Variants in TSPO observed in about 807,000 individuals in gnomAD.
TSPO encodes translocator protein, also known as benzodiazepine peripheral binding site.
TSPO carries 14 observed loss-of-function variants against 13.9 expected under a neutral mutation model. That is an observed-to-expected ratio of 1.01 (90% CI 0.67 to 1.58). The LOEUF (loss-of-function observed/expected upper bound fraction) is 1.58. Ranked by LOEUF, TSPO falls within the 40% of genes most tolerant of loss-of-function variation. The pLI, the probability that TSPO is intolerant of heterozygous loss-of-function variation, is 0.00. For missense variants in TSPO, 232 were observed against 229.6 expected (o/e 1.01, Z -0.07); for synonymous variants, 114 against 105.9 (o/e 1.08, Z -0.47).
At chr22:43,157,306 A>C (rs58430667) in intron 1 of TSPO, among the ~76,000 whole-genome samples, 5,075 of 49,020 alleles carry the variant, frequency 0.1, 297 homozygotes, top group African/African-American at 0.25. Context: ...GGCAGGAGGG[A>C]GGGGCGGGGC....
chr22:43,160,988 C>T (rs1329971749), intron 2 of TSPO, 64 bp from the exon 3 acceptor site: 35 of 1,552,782 alleles, frequency 2.3e-5, no homozygotes, highest in South Asian at 1.3e-4. Flanking sequence ...CTGTGCCACT[C>T]GGAGGTGGGC....
At chr22:43,158,610 C>T (rs775674163) in intron 1 of TSPO, among the ~76,000 whole-genome samples, 1 of 151,974 alleles carries the variant, frequency 6.6e-6, no homozygotes, top group African/African-American at 2.4e-5. Context: ...TACTGGGGCC[C>T]GTGTGGGGTG....
chr22:43,159,256 G>T lies in TSPO; in HGVS notation c.18G>T (p.Val6=). The change falls in exon 2 of 4, where the codon GTG becomes GTT. Residue 6 remains valine (V), a synonymous_variant. Coordinates refer to ENST00000337554, the MANE Select transcript of TSPO (RefSeq NM_000714.6). The part of the protein sequence containing the change: MAPPW[V]PAMGFTLAPS... ...CAGCAGCCATGGCCCCGCCCTGGGT[G>T]CCCGCCATGGGCTTCACGCTGGCGC... The T allele has an allele frequency of 1.3e-6, 2 of 1,556,040 alleles. No homozygotes were observed. Among genetic ancestry groups the T allele is most frequent in the Non-Finnish European group, 8.7e-7 (1 of 1,150,978 alleles).
At chr22:43,157,517 T>G (rs1191185413) in intron 1 of TSPO, among the ~76,000 whole-genome samples, 2 of 152,150 alleles carry the variant, frequency 1.3e-5, no homozygotes, top group Non-Finnish European at 2.9e-5. Flanking sequence ...CGGAATCTGC[T>G]GGATGCCTGA....
Position 43,159,225 on chromosome 22 carries a change from C to T in TSPO, c.-14C>T. On this transcript the variant is annotated 5_prime_UTR_variant, in exon 2 of 4. Transcript: ENST00000337554. ...TCTCTTTCAGAGCTCCCCTGAACAG[C>T]AGCTGCAGCAGCCATGGCCCCGCCC... The T allele has an allele frequency of 6.5e-7, 1 of 1,531,842 alleles. No homozygotes were observed. The highest frequency in any genetic ancestry group is 8.8e-7 in the Non-Finnish European group (1 of 1,137,186). 94.9% of individuals were successfully genotyped at this position (1,531,842 alleles called of 1,614,324 possible).
In TSPO at chr22:43,161,150, C is replaced by T. The variant is rs142445069; in HGVS notation, c.281C>T (p.Ala94Val). 8.4e-4 allele frequency: 1,349 copies of T among 1,613,950 alleles called. No homozygotes were observed. The highest frequency in any genetic ancestry group is 9.7e-4 in the Non-Finnish European group (1,148 of 1,179,852). ...ACTGGGCAGCTGGCCCTGAACTGGG[C>T]ATGGCCCCCCATCTTCTTTGGTGCC... Reference protein sequence around the residue: ...LYTGQLALNWAWPPIFFGARQ... With the variant: ...LYTGQLALNWVWPPIFFGARQ... The change falls in exon 3 of 4, where the codon GCA (alanine) becomes GTA (valine). Residue 94 changes from alanine (A) to valine (V), a missense_variant. Coordinates refer to ENST00000337554, the MANE Select transcript of TSPO (RefSeq NM_000714.6).
intron 1 of TSPO, among the ~76,000 whole-genome samples, chr22:43,153,143 C>T (rs1242319136): frequency 1.4e-5 from 2 of 145,600 alleles, no homozygotes; most frequent in Admixed American, 7.0e-5. Context: ...CCCTTCCTTC[C>T]TTCCTTTCTT....
chr22:43,161,749 G>A (rs1391571274), intron 3 of TSPO, among the ~76,000 whole-genome samples: 1 of 152,048 alleles, frequency 6.6e-6, no homozygotes, highest in African/African-American at 2.4e-5. Context: ...TGATCTACCC[G>A]CCTTGGCCTC....
chr22:43,158,914 G>A (rs1931339638), intron 1 of TSPO, among the ~76,000 whole-genome samples: 1 of 152,126 alleles, frequency 6.6e-6, no homozygotes, highest in African/African-American at 2.4e-5. Flanking sequence ...CAGGGAGGCA[G>A]GCTGGGAAGG....
intron 2 of TSPO, among the ~76,000 whole-genome samples, chr22:43,160,556 T>C (rs1412739406): frequency 6.6e-6 from 1 of 152,174 alleles, no homozygotes; most frequent in East Asian, 1.9e-4. Flanking sequence ...GGTGTTATCG[T>C]TGCCCTGTGT....
rs1164496697 is a variant in TSPO, at chr22:43,162,970, G to A, written c.489G>A (p.Gly163=). 1.3e-6 allele frequency: 2 copies of A among 1,586,170 alleles called. No individual in the cohort carries two copies. Among genetic ancestry groups the A allele is most frequent in the Non-Finnish European group, 1.7e-6 (2 of 1,167,134 alleles). ...GGCGGGACAACCATGGCTGGCGTGGGGGACGGCGGCTGCCAGAGTGAGTGC... is the reference window on the plus strand; with the variant it reads ...GGCGGGACAACCATGGCTGGCGTGGAGGACGGCGGCTGCCAGAGTGAGTGC... ...CVWRDNHGWR[G]GRRLPE The change falls in exon 4 of 4, where the codon GGG becomes GGA. Residue 163 remains glycine (G), a synonymous_variant. Transcript: ENST00000337554.
chr22:43,152,249 A>G (rs1931096570), intron 1 of TSPO: 1 of 152,430 alleles, frequency 6.6e-6, no homozygotes, highest in Non-Finnish European at 1.5e-5. Context: ...TCCTGCTGTG[A>G]ACGCGCTGCT....
intron 1 of TSPO, among the ~76,000 whole-genome samples, chr22:43,158,500 G>T (rs953877582): frequency 2.0e-5 from 3 of 152,138 alleles, no homozygotes; most frequent in African/African-American, 7.2e-5. Flanking sequence ...GGTCAGGGTG[G>T]GAGCCATATT....
intron 1 of TSPO, among the ~76,000 whole-genome samples, chr22:43,158,391 C>A (rs748592590): frequency 6.6e-6 from 1 of 152,194 alleles, no homozygotes; most frequent in African/African-American, 2.4e-5. Flanking sequence ...AGAACTGAAT[C>A]GGGTTGTGTG....
In TSPO at chr22:43,157,546, C is replaced by A. The variant is rs535821311; in HGVS notation, c.-29-1664C>A. ...TGCCTGACACTCTGTTCCTTTAAAA[C>A]GTGCCGGGCGCGGTGGCTCACGCCT... On this transcript the variant is annotated intron_variant, in intron 1 of 3. Transcript: ENST00000337554. Among the ~76,000 whole-genome samples, 4 of 152,074 alleles carry A rather than the reference C, an allele frequency of 2.6e-5. No homozygotes were observed. In the East Asian group the frequency reaches 7.7e-4, roughly 29 times the overall value.
In TSPO at chr22:43,159,295, C is replaced by T. The variant is rs1931355267; in HGVS notation, c.57C>T (p.Cys19=). The stretch of plus-strand genomic sequence containing the variant: ...TCACGCTGGCGCCCAGCCTGGGGTG[C>T]TTCGTGGGCTCCCGCTTTGTCCACG... ...MGFTLAPSLG[C]FVGSRFVHGE... The change falls in exon 2 of 4, where the codon TGC becomes TGT. Residue 19 remains cysteine, a synonymous_variant. Transcript: ENST00000337554. 1 of 1,552,976 alleles carries T rather than the reference C, an allele frequency of 6.4e-7. No homozygotes were observed. Among genetic ancestry groups the T allele is most frequent in the South Asian group, 1.2e-5 (1 of 84,188 alleles).
At chr22:43,159,076 G>A (rs980551468) in intron 1 of TSPO, 134 bp from the exon 2 acceptor site, 11 of 670,032 alleles carry the variant, frequency 1.6e-5, no homozygotes, top group African/African-American at 7.6e-5. Context: ...CTCCCACCCC[G>A]CACATCTCTG....
intron 2 of TSPO, 102 bp from the exon 3 acceptor site, chr22:43,160,946 GCAGT>G (rs1215750354): frequency 3.4e-5 from 47 of 1,382,104 alleles, no homozygotes; most frequent in Admixed American, 9.9e-5. Context: ...AGATCACACA[GCAGT>G]CAGTGTCAGG....
At chr22:43,160,841 T>C (rs184844914) in intron 2 of TSPO, among the ~76,000 whole-genome samples, 1 of 152,350 alleles carries the variant, frequency 6.6e-6, no homozygotes, top group Non-Finnish European at 1.5e-5. Flanking sequence ...TCCTAAATGC[T>C]GGGTATCGCA....
Sources: gnomAD v4.1 joint callset for allele counts (sites outside exome capture counted in the v4.1 genomes callset) on GRCh38, gnomAD v4.1.1 for gene constraint, MANE v1.5 for transcripts, NCBI Gene and HGNC (gene_info 2026-07-23, HGNC 2026-07-21) for gene names.